The following KMT2B variants were observed in gnomAD, a reference collection of about 807,000 sequenced individuals.
The protein encoded by KMT2B is lysine methyltransferase 2B.
A neutral mutation model predicts 255.3 loss-of-function variants in KMT2B; 22 were observed. The observed-to-expected ratio is 0.09, with a 90% CI of 0.06 to 0.12. KMT2B has a LOEUF of 0.12. Ranked by LOEUF, KMT2B falls within the 10% of genes least tolerant of loss-of-function variation. The pLI is 1.00. For synonymous variants in KMT2B, 1,730 were observed against 1,498.1 expected (o/e 1.15, Z -3.57); for missense variants, 3,149 against 3,737.0 (o/e 0.84, Z 4.10).
chr19:35,718,018 G>A lies in KMT2B; in HGVS notation c.-1G>A. On this transcript the variant is annotated 5_prime_UTR_variant, in exon 1 of 37. Coordinates refer to ENST00000420124, the MANE Select transcript of KMT2B (RefSeq NM_014727.3). This position sits in a 1 kb window ranked among gnomAD's most constrained non-coding sequence, Gnocchi z 5.0. The stretch of plus-strand genomic sequence containing the variant: ...TCCCCGGCCCCTCTCACGGTGCCAA[G>A]ATGGCGGCGGCGGCGGGCGGCGGCA... 2.0e-6 allele frequency: 2 copies of A among 985,490 alleles called. No individual in the cohort carries two copies. The highest frequency in any genetic ancestry group is 2.4e-6 in the Non-Finnish European group (2 of 830,954). The allele number at this position is 985,490 out of a possible 1,614,324, so 61.0% of individuals were successfully genotyped here.
chr19:35,728,334 C>T (rs1969551833), intron 19 of KMT2B, among the ~76,000 whole-genome samples, 163 bp downstream of exon 19: 1 of 152,082 alleles, frequency 6.6e-6, no homozygotes, highest in Non-Finnish European at 1.5e-5. Flanking sequence ...TGGTTCTAGA[C>T]TAGCAAAGCT....
Position 35,733,583 on chromosome 19 carries a change from G to T in KMT2B, c.6960-14G>T. 1 of 1,563,748 alleles carries T rather than the reference G, an allele frequency of 6.4e-7. No individual in the cohort carries two copies. On this transcript the variant is annotated splice_polypyrimidine_tract_variant and intron_variant, in intron 28 of 36. Coordinates refer to ENST00000420124, the MANE Select transcript of KMT2B (RefSeq NM_014727.3). This position sits in a 1 kb window ranked among gnomAD's most constrained non-coding sequence, Gnocchi z 4.3. ...GGGAGATGCGGCTCATCCTTCTCGG[G>T]CTCGCCCTCCCAGGTTTAGCCGTGT...
chr19:35,736,548 C>A, intron 30 of KMT2B, 142 bp from the exon 31 acceptor site: 2 of 948,350 alleles, frequency 2.1e-6, no homozygotes, highest in Non-Finnish European at 3.1e-6. Flanking sequence ...GTAACTGGAG[C>A]AGAAGGAGGG....
Position 35,732,271 on chromosome 19 carries a change from G to A in KMT2B, c.5722G>A (p.Ala1908Thr). The A allele has an allele frequency of 6.2e-7, 1 of 1,609,012 alleles. No homozygotes were observed. Among genetic ancestry groups the A allele is most frequent in the Non-Finnish European group, 8.5e-7 (1 of 1,177,628 alleles). ...IPTVGDPDFP[A>T]PPRRSRRPSP... ...CACAGTGGGAGACCCGGACTTCCCA[G>A]CTCCCCCCAGACGTTCCCGTCGTCC... Residue 1908 changes from alanine to threonine, a missense_variant, in exon 28 of 37, where the codon GCT (alanine) becomes ACT (threonine). Ala to Thr is a moderately conservative substitution (Grantham distance 58). Coordinates refer to ENST00000420124, the MANE Select transcript of KMT2B (RefSeq NM_014727.3).
Position 35,733,671 on chromosome 19 carries a change from G to C in KMT2B, c.7034G>C (p.Gly2345Ala). The part of the protein sequence containing the change: ...LDLDRPGEPA[G>A]EESPGPLQER... ...CTGGATCGGCCTGGGGAGCCCGCTG[G>C]GGAAGAAAGTCCTGGGTGAGTGGCC... The change falls in exon 29 of 37, where the codon GGG (glycine) becomes GCG (alanine). Residue 2345 changes from glycine (G) to alanine (A), a missense_variant. Around this residue, in one of 18 missense-constraint regions of KMT2B, gnomAD observed 897 missense variants for 825.3 expected, o/e 1.09. Coordinates refer to ENST00000420124, the MANE Select transcript of KMT2B (RefSeq NM_014727.3). This position sits in a 1 kb window ranked among gnomAD's most constrained non-coding sequence, Gnocchi z 4.3. The C allele has an allele frequency of 1.2e-6, 2 of 1,602,254 alleles. No homozygotes were observed. Among genetic ancestry groups the C allele is most frequent in the Non-Finnish European group, 1.7e-6 (2 of 1,174,758 alleles).
Position 35,719,879 on chromosome 19 carries a change from G to C in KMT2B, c.532G>C (p.Ala178Pro). 2 of 1,613,262 alleles carry C rather than the reference G, an allele frequency of 1.2e-6. No homozygotes were observed. The highest frequency in any genetic ancestry group is 1.7e-6 in the Non-Finnish European group (2 of 1,179,804). Residue 178 changes from alanine to proline, a missense_variant, in exon 3 of 37, where the codon GCC becomes CCC. Ala to Pro is a conservative substitution (Grantham distance 27). Around this residue, in one of 18 missense-constraint regions of KMT2B, gnomAD observed 1,188 missense variants for 1,106.4 expected, o/e 1.07. Coordinates refer to ENST00000420124, the MANE Select transcript of KMT2B (RefSeq NM_014727.3). ...DVAPTPPKTP[A>P]RKRGEEGTER... The stretch of plus-strand genomic sequence containing the variant: ...GGCTCCTACCCCCCCAAAGACCCCT[G>C]CCCGGAAACGGGGTGAGGAAGGCAC...
chr19:35,720,627 C>T lies in KMT2B; in HGVS notation c.1280C>T (p.Pro427Leu). The change falls in exon 3 of 37, where the codon CCA (proline) becomes CTA (leucine). Residue 427 changes from proline to leucine, a missense_variant. By Grantham distance (98) the Pro-to-Leu change is moderately conservative (BLOSUM62 -3). This residue lies in a region of KMT2B where 1,188 missense variants were observed against 1,106.4 expected (regional missense o/e 1.07). Transcript: ENST00000420124. ...LPPPSTSPPPPLCPPPPPPVS... is the reference protein window; with the variant it reads ...LPPPSTSPPPLLCPPPPPPVS... ...CCCCCTTCGACATCTCCTCCACCCCCACTCTGCCCTCCACCACCACCCCCA... is the reference window on the plus strand; with the variant it reads ...CCCCCTTCGACATCTCCTCCACCCCTACTCTGCCCTCCACCACCACCCCCA... 2 of 1,480,474 alleles carry T rather than the reference C, an allele frequency of 1.4e-6. No individual in the cohort carries two copies. The highest frequency in any genetic ancestry group is 2.3e-5 in the Admixed American group (1 of 42,702). 91.7% of individuals were successfully genotyped at this position (1,480,474 alleles called of 1,614,324 possible). A position where few individuals can be genotyped will look rare whatever the true frequency, so the allele number is the denominator to read the frequency against.
rs376006013 is a variant in KMT2B, at chr19:35,723,735, G to A, written c.3062G>A (p.Arg1021Gln). ...ACTAAGTCCCCTGTTCCCGCAGGCC[G>A]GACGATAGTGAAGACGCTGTTGCCC... Reference protein sequence around the residue: ...RKMERLAKKGRTIVKTLLPWD... With the variant: ...RKMERLAKKGQTIVKTLLPWD... Residue 1021 changes from arginine (R) to glutamine (Q), a missense_variant, in exon 8 of 37, where the codon CGG becomes CAG. By Grantham distance (43) the Arg-to-Gln change is conservative. Transcript: ENST00000420124. The surrounding 1 kb of genome is among the most constrained non-coding windows in gnomAD (Gnocchi z 7.5). The A allele has an allele frequency of 2.6e-6, 4 of 1,529,208 alleles. No homozygotes were observed. The highest frequency in any genetic ancestry group is 1.8e-6 in the Non-Finnish European group (2 of 1,137,874). The allele number at this position is 1,529,208 out of a possible 1,614,324, so 94.7% of individuals were successfully genotyped here. A position where few individuals can be genotyped will look rare whatever the true frequency, so the allele number is the denominator to read the frequency against.
At position 35,718,454 on chromosome 19, in the gene KMT2B, G is replaced by A; in HGVS notation, c.363+73G>A. The A allele has an allele frequency of 8.3e-7, 1 of 1,201,850 alleles. No homozygotes were observed. Among genetic ancestry groups the A allele is most frequent in the Non-Finnish European group, 1.0e-6 (1 of 960,506 alleles). The allele number at this position is 1,201,850 out of a possible 1,614,324, so 74.4% of individuals were successfully genotyped here. On this transcript the variant is annotated intron_variant, in intron 1 of 36. Coordinates refer to ENST00000420124, the MANE Select transcript of KMT2B (RefSeq NM_014727.3). This position sits in a 1 kb window ranked among gnomAD's most constrained non-coding sequence, Gnocchi z 5.0. ...GGCTTCCAGGGGTCTGGGTTGTCCCGGGGGCGGCGTGGGCAGGCCGGGTCC... is the reference window on the plus strand; with the variant it reads ...GGCTTCCAGGGGTCTGGGTTGTCCCAGGGGCGGCGTGGGCAGGCCGGGTCC...
Position 35,737,455 on chromosome 19 carries a change from G to A in KMT2B, c.7551-181G>A, listed in dbSNP as rs1750296904. On this transcript the variant is annotated intron_variant, in intron 33 of 36. Transcript: ENST00000420124. The surrounding 1 kb of genome is among the most constrained non-coding windows in gnomAD (Gnocchi z 5.3). ...CCGCCACTTTGGGAGGCCGAGGCAG[G>A]AGGATCGCATGAGCCCAGGAGTTGG... The A allele has an allele frequency of 6.4e-6, 5 of 776,876 alleles. No individual in the cohort carries two copies. Among genetic ancestry groups the A allele is most frequent in the Non-Finnish European group, 1.0e-5 (5 of 501,022 alleles). 48.1% of individuals were successfully genotyped at this position (776,876 alleles called of 1,614,324 possible). A position where few individuals can be genotyped will look rare whatever the true frequency, so the allele number is the denominator to read the frequency against.
At position 35,737,488 on chromosome 19, in the gene KMT2B, C is replaced by A. The variant is rs56792854; in HGVS notation, c.7551-148C>A. The stretch of plus-strand genomic sequence containing the variant: ...CATGAGCCCAGGAGTTGGAGACCAG[C>A]GTAGGCAACATGGCAAAACCCCATC... On this transcript the variant is annotated intron_variant, in intron 33 of 36. Transcript: ENST00000420124. This position sits in a 1 kb window ranked among gnomAD's most constrained non-coding sequence, Gnocchi z 5.3. 1.3e-6 allele frequency: 1 copy of A among 741,574 alleles called. No individual in the cohort carries two copies. Among genetic ancestry groups the A allele is most frequent in the Non-Finnish European group, 2.1e-6 (1 of 465,954 alleles). The allele number at this position is 741,574 out of a possible 1,614,324, so 45.9% of individuals were successfully genotyped here.
chr19:35,738,252 G>A lies in KMT2B; in HGVS notation c.7873-30G>A, dbSNP rs903353919. 7.4e-6 allele frequency: 12 copies of A among 1,611,286 alleles called. No homozygotes were observed. The highest frequency in any genetic ancestry group is 1.3e-5 in the African/African-American group (1 of 74,918). On this transcript the variant is annotated intron_variant, in intron 36 of 36. Coordinates refer to ENST00000420124, the MANE Select transcript of KMT2B (RefSeq NM_014727.3). This position sits in a 1 kb window ranked among gnomAD's most constrained non-coding sequence, Gnocchi z 8.7. ...AAGCGAGCCTGTCCGCGGGGACAGAGCACCTGATCTCCCCACCTCATCCCT... is the reference window on the plus strand; with the variant it reads ...AAGCGAGCCTGTCCGCGGGGACAGAACACCTGATCTCCCCACCTCATCCCT...
chr19:35,737,037 C>T lies in KMT2B; in HGVS notation c.7373-49C>T. 1.2e-6 allele frequency: 2 copies of T among 1,609,904 alleles called. No individual in the cohort carries two copies. Among genetic ancestry groups the T allele is most frequent in the Non-Finnish European group, 8.5e-7 (1 of 1,177,822 alleles). ...AGGGAGCTGGATGTCTCCCCGAGGG[C>T]ACCATGGGCCCTCCACATGACAGGT... On this transcript the variant is annotated intron_variant, in intron 32 of 36. Coordinates refer to ENST00000420124, the MANE Select transcript of KMT2B (RefSeq NM_014727.3). This position sits in a 1 kb window ranked among gnomAD's most constrained non-coding sequence, Gnocchi z 5.3.
At position 35,722,574 on chromosome 19, in the gene KMT2B, G is replaced by A. The variant is rs368744106; in HGVS notation, c.2578G>A (p.Glu860Lys). ...ACTCCGATTTCTCCCCCAGGGTCCC[G>A]AGTCCCCTGTGCAAGGTCCCCGCAT... ...EAKRERPSGP[E>K]SPVQGPRIKH... is the part of the protein sequence containing the mutation. The change falls in exon 5 of 37, where the codon GAG (glutamate) becomes AAG (lysine). Residue 860 changes from glutamate (E) to lysine (K), a missense_variant. Glu to Lys is a moderately conservative substitution (Grantham distance 56). Around this residue, in one of 18 missense-constraint regions of KMT2B, gnomAD observed 1,188 missense variants for 1,106.4 expected, o/e 1.07. Coordinates refer to ENST00000420124, the MANE Select transcript of KMT2B (RefSeq NM_014727.3). The A allele has an allele frequency of 1.9e-6, 3 of 1,605,416 alleles. No homozygotes were observed. The highest frequency in any genetic ancestry group is 2.5e-6 in the Non-Finnish European group (3 of 1,176,508).
In KMT2B at chr19:35,732,377, C is replaced by T. The variant is rs757031052; in HGVS notation, c.5828C>T (p.Pro1943Leu). 2.5e-6 allele frequency: 4 copies of T among 1,613,044 alleles called. No homozygotes were observed. Among genetic ancestry groups the T allele is most frequent in the Non-Finnish European group, 2.5e-6 (3 of 1,179,560 alleles). The change falls in exon 28 of 37, where the codon CCT (proline) becomes CTT (leucine). Residue 1943 changes from proline (P) to leucine (L), a missense_variant. Around this residue, in one of 18 missense-constraint regions of KMT2B, gnomAD observed 897 missense variants for 825.3 expected, o/e 1.09. Coordinates refer to ENST00000420124, the MANE Select transcript of KMT2B (RefSeq NM_014727.3). ...ACCTCCCCTCAGCTCAGGGTGCCCC[C>T]TCCTACCTCAGTCGTCACAGCCCTC... ...LKTSPQLRVP[P>L]PTSVVTALTP...
Position 35,727,146 on chromosome 19 carries a change from C to A in KMT2B, c.4004-10C>A, listed in dbSNP as rs779210929. The A allele has an allele frequency of 2.4e-5, 38 of 1,600,720 alleles. No homozygotes were observed. Among genetic ancestry groups the A allele is most frequent in the Non-Finnish European group, 2.8e-5 (33 of 1,171,822 alleles). ...CAGCACCTCTGACTCCTTCTCTTCC[C>A]TTTCTCTAGGAAACTACTGCCCGAT... is the stretch of plus-strand genomic sequence containing the variant. On this transcript the variant is annotated splice_polypyrimidine_tract_variant and intron_variant, in intron 14 of 36. Transcript: ENST00000420124. This position sits in a 1 kb window ranked among gnomAD's most constrained non-coding sequence, Gnocchi z 4.2.
In KMT2B at chr19:35,733,406, G is replaced by A; in HGVS notation, c.6857G>A (p.Gly2286Asp). 1.3e-6 allele frequency: 2 copies of A among 1,551,078 alleles called. No homozygotes were observed. The highest frequency in any genetic ancestry group is 2.4e-5 in the East Asian group (1 of 40,934). The change falls in exon 28 of 37, where the codon GGC becomes GAC. Residue 2286 changes from glycine (G) to aspartate (D), a missense_variant. Coordinates refer to ENST00000420124, the MANE Select transcript of KMT2B (RefSeq NM_014727.3). The surrounding 1 kb of genome is among the most constrained non-coding windows in gnomAD (Gnocchi z 4.3). ...IRVKRVSTFS[G>D]RSPPAPPPYK... ...GTCAAGAGGGTGTCCACTTTCTCCG[G>A]CCGGTCCCCGCCAGCACCTCCCCCA...
In KMT2B at chr19:35,738,866, G is replaced by T; in HGVS notation, c.*309G>T. 1 of 477,786 alleles carries T rather than the reference G, an allele frequency of 2.1e-6. No homozygotes were observed. Among genetic ancestry groups the T allele is most frequent in the East Asian group, 3.6e-5 (1 of 27,516 alleles). The allele number at this position is 477,786 out of a possible 1,614,324, so 29.6% of individuals were successfully genotyped here. On this transcript the variant is annotated 3_prime_UTR_variant, in exon 37 of 37. Coordinates refer to ENST00000420124, the MANE Select transcript of KMT2B (RefSeq NM_014727.3). The surrounding 1 kb of genome is among the most constrained non-coding windows in gnomAD (Gnocchi z 8.7). ...TGGGAACCCCCCCACAATAAAGTCT[G>T]TCAATGTTTGGAGAGGTGGTCTTCC...
At chr19:35,731,751 ACGGTGGG>A (rs1474329694) in intron 26 of KMT2B, among the ~76,000 whole-genome samples, 150 bp from the exon 27 acceptor site, 2 of 152,094 alleles carry the variant, frequency 1.3e-5, no homozygotes, top group Non-Finnish European at 2.9e-5. Context: ...TGCCAACTCC[ACGGTGGG>A]TTTAGCCTGG....
Sources: gnomAD v4.1 joint callset for allele counts (sites outside exome capture counted in the v4.1 genomes callset) on GRCh38, gnomAD v4.1.1 for gene constraint, gnomAD v4.1.1 regional missense constraint, Gnocchi (gnomAD v3.1) non-coding constraint, MANE v1.5 for transcripts, NCBI Gene and HGNC (gene_info 2026-07-23, HGNC 2026-07-21) for gene names.